Variants in CCPG1 observed in about 807,000 individuals in gnomAD.
CCPG1 encodes cell cycle progression 1.
A neutral mutation model predicts 81.3 loss-of-function variants in CCPG1; 46 were observed. That is an observed-to-expected ratio of 0.57 (90% CI 0.45 to 0.72). CCPG1 has a LOEUF of 0.72. CCPG1 is among the 30% of genes least tolerant of loss of function. The pLI is 0.00. For synonymous variants in CCPG1, 330 were observed against 305.2 expected (o/e 1.08, Z -0.85); for missense variants, 902 against 937.6 (o/e 0.96, Z 0.50).
chr15:55,401,589 C>T (rs2057129792), intron 1 of CCPG1, among the ~76,000 whole-genome samples: 1 of 151,338 alleles, frequency 6.6e-6, no homozygotes, highest in South Asian at 2.1e-4. Context: ...ATCACTTGAA[C>T]CAGGAGGTGG....
chr15:55,387,073 G>C (rs1420440259), intron 2 of CCPG1, among the ~76,000 whole-genome samples: 2 of 152,196 alleles, frequency 1.3e-5, no homozygotes, highest in African/African-American at 4.8e-5. Context: ...GCAGTAATGG[G>C]AGAGGAAAAG....
intron 1 of CCPG1, among the ~76,000 whole-genome samples, chr15:55,399,417 C>CA (rs56191750): frequency 0.18 from 11,279 of 63,088 alleles, 757 homozygotes; most frequent in African/African-American, 0.27. Flanking sequence ...ACTAAAAATA[C>CA]AAAAAAAAAA....
intron 1 of CCPG1, among the ~76,000 whole-genome samples, chr15:55,401,665 C>CA (rs59999532): frequency 6.4e-4 from 88 of 138,296 alleles, no homozygotes; most frequent in African/African-American, 1.5e-3. Context: ...AACTCCGTCT[C>CA]AAAAAAAAAA....
At chr15:55,392,280 C>T (rs1429083972) in intron 1 of CCPG1, among the ~76,000 whole-genome samples, 5 of 146,048 alleles carry the variant, frequency 3.4e-5, no homozygotes, top group Non-Finnish European at 5.9e-5. Flanking sequence ...GGCGTCATCT[C>T]GGCTCACCAC....
intron 5 of CCPG1, among the ~76,000 whole-genome samples, chr15:55,375,839 C>A (rs1014892628): frequency 2.0e-5 from 3 of 152,076 alleles, no homozygotes; most frequent in East Asian, 3.9e-4. Context: ...GGACCACATG[C>A]GCACGCCATC....
Position 55,355,848 on chromosome 15 carries a change from T to C in CCPG1, c.*372A>G. 1 of 242,748 alleles carries C rather than the reference T, an allele frequency of 4.1e-6. No homozygotes were observed. The highest frequency in any genetic ancestry group is 7.8e-6 in the Non-Finnish European group (1 of 128,130). The allele number at this position is 242,748 out of a possible 1,614,324, so 15.0% of individuals were successfully genotyped here. A position where few individuals can be genotyped will look rare whatever the true frequency, so the allele number is the denominator to read the frequency against. On this transcript the variant is annotated 3_prime_UTR_variant, in exon 9 of 9. Coordinates refer to ENST00000442196, the MANE Select transcript of CCPG1 (RefSeq NM_001204450.2). ...AGAACAATGTACTTTTCTCAAGCTCTGCTGCAAATTTAACACAAACATCAG... is the reference window on the plus strand; with the variant it reads ...AGAACAATGTACTTTTCTCAAGCTCCGCTGCAAATTTAACACAAACATCAG...
chr15:55,396,672 T>C (rs2057022947), intron 1 of CCPG1, among the ~76,000 whole-genome samples: 1 of 152,204 alleles, frequency 6.6e-6, no homozygotes, highest in African/African-American at 2.4e-5. Context: ...AGATTTATTC[T>C]GGGATAGATT....
chr15:55,377,250 TTAAAA>T, intron 4 of CCPG1, 100 bp from the exon 5 acceptor site: 2 of 808,798 alleles, frequency 2.5e-6, no homozygotes, highest in Non-Finnish European at 3.9e-6. Flanking sequence ...GTCATCTGAG[TTAAAA>T]TAAAAGATAT....
At chr15:55,396,828 A>G (rs1218895517) in intron 1 of CCPG1, among the ~76,000 whole-genome samples, 2 of 152,316 alleles carry the variant, frequency 1.3e-5, no homozygotes, top group East Asian at 3.9e-4. Flanking sequence ...TAGTAGCTAT[A>G]AAGCTGAGAT....
At chr15:55,392,501 A>T (rs1000674171) in intron 1 of CCPG1, among the ~76,000 whole-genome samples, 1 of 151,556 alleles carries the variant, frequency 6.6e-6, no homozygotes, top group African/African-American at 2.4e-5. Flanking sequence ...ACAAGCATGA[A>T]GCCACCGCAC....
intron 6 of CCPG1, among the ~76,000 whole-genome samples, chr15:55,367,389 G>A (rs2056352362): frequency 6.6e-6 from 1 of 152,076 alleles, no homozygotes; most frequent in South Asian, 2.1e-4. Flanking sequence ...CAATATTACT[G>A]ACTAATCACT....
chr15:55,380,523 C>A (rs773077628), intron 3 of CCPG1, among the ~76,000 whole-genome samples: 48 of 151,756 alleles, frequency 3.2e-4, no homozygotes, highest in African/African-American at 1.1e-3. Context: ...TCTTGATCTC[C>A]TGACCCCGTA....
chr15:55,393,193 C>T (rs898059800), intron 1 of CCPG1, among the ~76,000 whole-genome samples: 3 of 152,096 alleles, frequency 2.0e-5, no homozygotes, highest in Non-Finnish European at 4.4e-5. Flanking sequence ...ACAGCACTTT[C>T]GGAGGCTGAG....
At chr15:55,367,982 T>G (rs2056366195) in intron 6 of CCPG1, among the ~76,000 whole-genome samples, 1 of 152,170 alleles carries the variant, frequency 6.6e-6, no homozygotes, top group South Asian at 2.1e-4. Flanking sequence ...TCTAACCTGA[T>G]AGCAGGTTAC....
chr15:55,401,565 G>T (rs565223977), intron 1 of CCPG1, among the ~76,000 whole-genome samples: 35 of 152,106 alleles, frequency 2.3e-4, no homozygotes, highest in South Asian at 2.3e-3. Context: ...TATTCGGGAG[G>T]CTGAGGCAGG....
intron 1 of CCPG1, among the ~76,000 whole-genome samples, chr15:55,396,772 G>A (rs2057025039): frequency 1.3e-5 from 2 of 152,190 alleles, no homozygotes; most frequent in African/African-American, 4.8e-5. Context: ...TTGAATGAGT[G>A]AGGCACCATT....
At chr15:55,396,263 T>C (rs2057015970) in intron 1 of CCPG1, among the ~76,000 whole-genome samples, 1 of 152,156 alleles carries the variant, frequency 6.6e-6, no homozygotes, top group Admixed American at 6.5e-5. Flanking sequence ...TTAAGAGCTT[T>C]ACTAATAGTA....
At chr15:55,397,487 T>C (rs936969147) in intron 1 of CCPG1, among the ~76,000 whole-genome samples, 2 of 152,210 alleles carry the variant, frequency 1.3e-5, no homozygotes, top group African/African-American at 4.8e-5. Flanking sequence ...TGATGGTGGT[T>C]TGGACTAGAA....
chr15:55,405,387 T>G (rs1192101796), intron 1 of CCPG1, among the ~76,000 whole-genome samples: 1 of 151,856 alleles, frequency 6.6e-6, no homozygotes, highest in Admixed American at 6.6e-5. Context: ...TGGGGCATGG[T>G]GTCACATGTC....
Sources: allele counts gnomAD v4.1 joint callset (sites outside exome capture counted in the v4.1 genomes callset), GRCh38; gene constraint gnomAD v4.1.1; transcripts MANE v1.5; gene names NCBI Gene and HGNC (gene_info 2026-07-23, HGNC 2026-07-21).